Variants in PIGN observed in about 807,000 individuals in gnomAD.
PIGN encodes phosphatidylinositol glycan anchor biosynthesis class N.
Under a neutral mutation model 125.4 loss-of-function variants are expected in PIGN, and 117 were observed. The observed-to-expected ratio is 0.93, with a 90% CI of 0.80 to 1.09. The LOEUF (loss-of-function observed/expected upper bound fraction) is 1.09. Ranked by LOEUF, PIGN falls within the 50% of genes least tolerant of loss-of-function variation. The pLI is 0.00. For missense variants in PIGN, 1,075 were observed against 1,094.9 expected, an observed-to-expected ratio of 0.98 and a Z score of 0.26; for synonymous variants, 392 against 377.8, an observed-to-expected ratio of 1.04 and a Z score of -0.44.
At position 62,179,254 on chromosome 18, in the gene PIGN, G is replaced by T. The variant is rs183671950; in HGVS notation, c.-236+7590C>A. Among the ~76,000 whole-genome samples the T allele has an allele frequency of 1.9e-3, 288 of 152,214 alleles. 1 individual carries two copies. The highest frequency in any genetic ancestry group is 6.3e-3 in the African/African-American group (263 of 41,526). On this transcript the variant is annotated intron_variant, in intron 1 of 30. Coordinates refer to ENST00000640252, the MANE Select transcript of PIGN (RefSeq NM_176787.5). Reference sequence around the variant, plus strand: ...GTTTGTTCAGTTTGTCCTCTGTAAAGTTCACTGTAAAGTTTCTCCATGTAA... The same window carrying T: ...GTTTGTTCAGTTTGTCCTCTGTAAATTTCACTGTAAAGTTTCTCCATGTAA...
chr18:62,065,166 GCCTT>G (rs1005707546), intron 30 of PIGN, among the ~76,000 whole-genome samples: 1 of 151,850 alleles, frequency 6.6e-6, no homozygotes, highest in African/African-American at 2.4e-5. Context: ...TCCTTTGCAT[GCCTT>G]CCTTCCTTCC....
chr18:62,026,702 G>A (rs1321669735), intron 23 of PIGN, among the ~76,000 whole-genome samples: 1 of 152,126 alleles, frequency 6.6e-6, no homozygotes, highest in African/African-American at 2.4e-5. Context: ...TCCTGACTCT[G>A]CCTCTGCTAC....
At chr18:62,184,624 T>A (rs1043405077) in intron 1 of PIGN, 16 of 152,192 alleles carry the variant, frequency 1.1e-4, no homozygotes, top group African/African-American at 3.9e-4. Flanking sequence ...ACCACAGATT[T>A]GTATGGGAAG....
rs186454966 is a variant in PIGN at position 62,108,469 on chromosome 18, G to A, written c.1574+1365C>T. On this transcript the variant is annotated intron_variant, in intron 17 of 30. Coordinates refer to ENST00000640252, the MANE Select transcript of PIGN (RefSeq NM_176787.5). ...TTTTAAAAATCTGAGTTAAATATGCGTATGCAACAACCCTATTCCTTTCAA... is the reference window on the plus strand; with the variant it reads ...TTTTAAAAATCTGAGTTAAATATGCATATGCAACAACCCTATTCCTTTCAA... 1.4e-3 allele frequency among the ~76,000 whole-genome samples: 209 copies of A among 152,130 alleles called. 1 individual carries two copies. The highest frequency in any genetic ancestry group is 2.3e-3 in the Non-Finnish European group (156 of 67,992).
At chr18:62,050,452 C>G (rs2031179798) in intron 30 of PIGN, among the ~76,000 whole-genome samples, 4 of 152,140 alleles carry the variant, frequency 2.6e-5, no homozygotes, top group Admixed American at 1.3e-4. Context: ...ATTTTATTCT[C>G]TTTGAAGCAA....
At position 62,140,430 on chromosome 18, in the gene PIGN, A is replaced by T; in HGVS notation, c.1013T>A (p.Leu338His). 1 of 1,504,122 alleles carries T rather than the reference A, an allele frequency of 6.6e-7. No homozygotes were observed. Among genetic ancestry groups the T allele is most frequent in the East Asian group, 2.3e-5 (1 of 43,446 alleles). 93.2% of individuals were successfully genotyped at this position (1,504,122 alleles called of 1,614,324 possible). Residue 338 changes from leucine to histidine, a missense_variant, in exon 12 of 31, where the codon CTT (leucine) becomes CAT (histidine). Physicochemically the swap from Leu to His is moderately conservative, Grantham distance 99. Around this residue, in one of 3 missense-constraint regions of PIGN, gnomAD observed 915 missense variants for 908.7 expected, o/e 1.01. Transcript: ENST00000640252. ...AATTTTATTCCTTACCACTGAGTTA[A>T]GAGGAAAGGGAACTCCAATAAGGGA... ...MTSLIGVPFPLNSVGILPVDY... is the reference protein window; with the variant it reads ...MTSLIGVPFPHNSVGILPVDY...
At position 62,178,754 on chromosome 18, in the gene PIGN, C is replaced by T. The variant is rs573087555; in HGVS notation, c.-236+8090G>A. On this transcript the variant is annotated intron_variant, in intron 1 of 30. Coordinates refer to ENST00000640252, the MANE Select transcript of PIGN (RefSeq NM_176787.5). ...TATATTTTTTCATCAAGATTTATGT[C>T]ATTTTTAATTGTAAACTCTATGTGA... 2.0e-5 allele frequency among the ~76,000 whole-genome samples: 3 copies of T among 152,204 alleles called. No homozygotes were observed. The South Asian group carries it at 6.2e-4, about 32-fold the overall frequency.
chr18:62,029,173 G>A (rs889055592), intron 23 of PIGN, among the ~76,000 whole-genome samples: 1 of 152,104 alleles, frequency 6.6e-6, no homozygotes, highest in African/African-American at 2.4e-5. Flanking sequence ...AGATGCTTTG[G>A]ATGAAGAAGA....
chr18:62,143,089 G>C (rs75788485), intron 11 of PIGN, among the ~76,000 whole-genome samples: 1 of 152,268 alleles, frequency 6.6e-6, no homozygotes, highest in Non-Finnish European at 1.5e-5. Flanking sequence ...ATGTTATTTG[G>C]AAGAAGTCTT....
chr18:62,107,087 T>A lies in PIGN; in HGVS notation c.1575-2A>T, dbSNP rs906063491. 1.9e-6 allele frequency: 3 copies of A among 1,551,112 alleles called. No individual in the cohort carries two copies. The highest frequency in any genetic ancestry group is 2.6e-6 in the Non-Finnish European group (3 of 1,140,292). On this transcript the variant is annotated splice_acceptor_variant, in intron 17 of 30. Transcript: ENST00000640252. LOFTEE classifies it high-confidence loss of function. ...ACAAGGTCCTGAATAACTTGAAATC[T>A]GTTTCAAATAAAAAGACTGATTGAA...
At chr18:62,079,338 T>C (rs181938548) in intron 28 of PIGN, among the ~76,000 whole-genome samples, 114 of 152,318 alleles carry the variant, frequency 7.5e-4, no homozygotes, top group African/African-American at 2.7e-3. Flanking sequence ...TAAGCTCTGA[T>C]CACAAAATGT....
rs1031942681 is a variant in PIGN at position 62,148,797 on chromosome 18, A to G, written c.550-459T>C. Among the ~76,000 whole-genome samples the G allele has an allele frequency of 2.0e-5, 3 of 152,176 alleles. No homozygotes were observed. In the South Asian group the frequency reaches 6.2e-4, roughly 31 times the overall value. ...CCAACCGTAATCTCTAATGTAGAACATTGCAAATAGCCTCCTAATTACTTC... is the reference window on the plus strand; with the variant it reads ...CCAACCGTAATCTCTAATGTAGAACGTTGCAAATAGCCTCCTAATTACTTC... On this transcript the variant is annotated intron_variant, in intron 7 of 30. Transcript: ENST00000640252.
intron 14 of PIGN, chr18:62,137,383 G>T: frequency 2.9e-6 from 1 of 346,952 alleles, no homozygotes; most frequent in Non-Finnish European, 5.1e-6. Context: ...TCTATTCTGG[G>T]ACGTCACCTT....
At chr18:62,117,486 TAAATA>T (rs1247769253) in intron 14 of PIGN, among the ~76,000 whole-genome samples, 4 of 152,018 alleles carry the variant, frequency 2.6e-5, no homozygotes, top group Non-Finnish European at 4.4e-5. Flanking sequence ...AAAGAACTGT[TAAATA>T]AAATAGATTT....
chr18:62,075,413 G>A (rs905980965), intron 28 of PIGN: 2 of 152,146 alleles, frequency 1.3e-5, no homozygotes, highest in Non-Finnish European at 2.9e-5. Context: ...TACATAACAA[G>A]TTGAACAATT....
chr18:62,113,466 T>C (rs2034963809), intron 15 of PIGN, 150 bp from the exon 16 acceptor site: 1 of 573,864 alleles, frequency 1.7e-6, no homozygotes, highest in East Asian at 3.0e-5. Flanking sequence ...CAGATTTTAA[T>C]TGTTCCAGGA....
At chr18:62,119,109 A>G (rs1299816688) in intron 14 of PIGN, among the ~76,000 whole-genome samples, 1 of 152,168 alleles carries the variant, frequency 6.6e-6, no homozygotes, top group African/African-American at 2.4e-5. Flanking sequence ...CAAACCAGAG[A>G]TCAAAGGAGG....
chr18:62,129,988 G>T (rs1376546224), intron 14 of PIGN, among the ~76,000 whole-genome samples: 1 of 152,100 alleles, frequency 6.6e-6, no homozygotes, highest in East Asian at 1.9e-4. Context: ...AGGGAGATCT[G>T]GAGACAGAGA....
downstream of PIGN, among the ~76,000 whole-genome samples, chr18:62,037,204 G>C (rs149706356): frequency 5.4e-4 from 82 of 152,342 alleles, no homozygotes; most frequent in African/African-American, 1.9e-3. Flanking sequence ...CAAGGAAGCA[G>C]TTGTATACCC....
Sources: allele counts gnomAD v4.1 joint callset (sites outside exome capture counted in the v4.1 genomes callset), GRCh38; gene constraint gnomAD v4.1.1; regional missense constraint gnomAD v4.1.1; transcripts MANE v1.5; gene names NCBI Gene and HGNC (gene_info 2026-07-23, HGNC 2026-07-21).